The following FBN1 variants were observed in gnomAD, a reference collection of about 807,000 sequenced individuals.
The protein encoded by FBN1 is fibrillin 1.
Under a neutral mutation model 365.1 loss-of-function variants are expected in FBN1, and 29 were observed. That is an observed-to-expected ratio of 0.08 (90% CI 0.06 to 0.11). The LOEUF is 0.11. Among genes scored for constraint, FBN1 ranks in the 10% least tolerant of loss-of-function variants. The probability of loss-of-function intolerance (pLI) is 1.00; values close to 1 mark genes in which losing one functional copy is unlikely to be tolerated. For missense variants in FBN1, 2,476 were observed against 3,703.2 expected, an observed-to-expected ratio of 0.67 and a Z score of 8.60; for synonymous variants, 1,210 against 1,270.5, an observed-to-expected ratio of 0.95 and a Z score of 1.01.
intron 6 of FBN1, among the ~76,000 whole-genome samples, chr15:48,595,182 T>C (rs1002814008): frequency 9.9e-5 from 15 of 152,188 alleles, no homozygotes; most frequent in African/African-American, 3.1e-4. Flanking sequence ...TATTAGCAAA[T>C]AACTGAATTT....
intron 6 of FBN1, among the ~76,000 whole-genome samples, chr15:48,555,273 A>G (rs940810677): frequency 6.6e-6 from 1 of 152,150 alleles, no homozygotes; most frequent in Non-Finnish European, 1.5e-5. Context: ...GACTGTGCAC[A>G]ACCCCCTTTC....
At chr15:48,487,674 A>C (rs1228627169) in intron 27 of FBN1, among the ~76,000 whole-genome samples, 3 of 152,180 alleles carry the variant, frequency 2.0e-5, no homozygotes, top group African/African-American at 7.2e-5. Flanking sequence ...TTACTTCCTG[A>C]CAAGTACCTT....
intron 3 of FBN1, among the ~76,000 whole-genome samples, chr15:48,611,238 C>A (rs1462822658): frequency 1.3e-5 from 2 of 152,126 alleles, no homozygotes; most frequent in East Asian, 1.9e-4. Flanking sequence ...CTCTTGGGAG[C>A]CAATTTTATT....
chr15:48,521,455 C>A (rs867990563), intron 9 of FBN1, among the ~76,000 whole-genome samples: 2 of 152,046 alleles, frequency 1.3e-5, no homozygotes, highest in African/African-American at 4.8e-5. Context: ...TCAAAATGGC[C>A]CTTGATTCCA....
intron 32 of FBN1, among the ~76,000 whole-genome samples, chr15:48,475,174 G>C (rs577641890): frequency 1.8e-3 from 274 of 152,048 alleles, no homozygotes; most frequent in Admixed American, 3.7e-3. Flanking sequence ...TTCTACAAAA[G>C]CTTTCCTTTA....
chr15:48,481,593 A>G, intron 32 of FBN1, 62 bp downstream of exon 32: 1 of 1,521,178 alleles, frequency 6.6e-7, no homozygotes, highest in Non-Finnish European at 9.1e-7. Context: ...GTATCAATCT[A>G]TAATTATGAT....
At chr15:48,644,045 C>G (rs1890244700) in intron 2 of FBN1, 1 of 155,708 alleles carries the variant, frequency 6.4e-6, no homozygotes, top group African/African-American at 2.4e-5. Flanking sequence ...AACCAGTTCT[C>G]AGAACCACTT....
intron 16 of FBN1, among the ~76,000 whole-genome samples, 179 bp downstream of exon 16, chr15:48,504,846 T>G (rs1443093963): frequency 6.6e-6 from 1 of 152,242 alleles, no homozygotes; most frequent in East Asian, 1.9e-4. Context: ...AGCTCATCTT[T>G]CTAATCCTCA....
chr15:48,433,045 T>C (rs1044766879), intron 54 of FBN1, 57 bp from the exon 55 acceptor site: 3 of 1,598,348 alleles, frequency 1.9e-6, no homozygotes, highest in South Asian at 1.1e-5. Context: ...AAAGGGAACC[T>C]ACCAATTGAA....
rs374544999 is a variant in FBN1 at position 48,495,967 on chromosome 15, T to G, written c.2419+133A>C. On this transcript the variant is annotated intron_variant, in intron 20 of 65. Coordinates refer to ENST00000316623, the MANE Select transcript of FBN1 (RefSeq NM_000138.5). ...TTACAAAGTACATACTAGTGCCATG[T>G]AGAACCACAGAATTTCAACTAAACT... is the stretch of plus-strand genomic sequence containing the variant. 1.8e-5 allele frequency: 21 copies of G among 1,172,840 alleles called. No individual in the cohort carries two copies. The African/African-American group carries it at 3.2e-4, about 18-fold the overall frequency. 72.7% of individuals were successfully genotyped at this position (1,172,840 alleles called of 1,614,324 possible).
At chr15:48,584,390 T>C (rs1184403154) in intron 6 of FBN1, among the ~76,000 whole-genome samples, 2 of 152,200 alleles carry the variant, frequency 1.3e-5, no homozygotes, top group African/African-American at 4.8e-5. Context: ...TCCTCCTAAT[T>C]AGATATTTTA....
chr15:48,563,496 C>G (rs2044239208), intron 6 of FBN1, among the ~76,000 whole-genome samples: 1 of 152,118 alleles, frequency 6.6e-6, no homozygotes, highest in Non-Finnish European at 1.5e-5. Flanking sequence ...CATATTTCAC[C>G]AGGTGAACCA....
At chr15:48,428,736 G>T (rs982416696) in intron 56 of FBN1, among the ~76,000 whole-genome samples, 2 of 152,012 alleles carry the variant, frequency 1.3e-5, no homozygotes, top group Admixed American at 6.6e-5. Context: ...ATTCTTAACT[G>T]TTTGGTTTCA....
intron 50 of FBN1, among the ~76,000 whole-genome samples, chr15:48,439,134 G>T (rs1053539752): frequency 6.6e-6 from 1 of 152,194 alleles, no homozygotes; most frequent in Non-Finnish European, 1.5e-5. Flanking sequence ...AGAGTTGCCA[G>T]AGATAACAAA....
chr15:48,450,587 A>C (rs2043193658), intron 45 of FBN1, among the ~76,000 whole-genome samples: 1 of 152,188 alleles, frequency 6.6e-6, no homozygotes, highest in East Asian at 1.9e-4. Context: ...AGTAGCTGGG[A>C]AGAAACTGTT....
At chr15:48,445,173 C>CAT (rs529269961) in intron 48 of FBN1, among the ~76,000 whole-genome samples, 1 of 138,506 alleles carries the variant, frequency 7.2e-6, no homozygotes, top group East Asian at 2.4e-4. Flanking sequence ...TATATACACA[C>CAT]ATATATATAT....
chr15:48,410,308 T>C lies in FBN1; in HGVS notation c.*682A>G, dbSNP rs1409276996. ...TATACATTTAACAAGTCTTTGGTCTTAATAAGCACCATTACAAACCCTCAC... is the reference window on the plus strand; with the variant it reads ...TATACATTTAACAAGTCTTTGGTCTCAATAAGCACCATTACAAACCCTCAC... On this transcript the variant is annotated 3_prime_UTR_variant, in exon 66 of 66. Coordinates refer to ENST00000316623, the MANE Select transcript of FBN1 (RefSeq NM_000138.5). 6.5e-6 allele frequency: 1 copy of C among 152,782 alleles called. No individual in the cohort carries two copies. Among genetic ancestry groups the C allele is most frequent in the African/African-American group, 2.4e-5 (1 of 41,470 alleles). The allele number at this position is 152,782 out of a possible 1,614,324, so 9.5% of individuals were successfully genotyped here.
chr15:48,436,277 A>C (rs551794556), intron 53 of FBN1, among the ~76,000 whole-genome samples: 1 of 152,346 alleles, frequency 6.6e-6, no homozygotes, highest in East Asian at 1.9e-4. Flanking sequence ...AAAACTGCTT[A>C]AACTCCCACA....
intron 6 of FBN1, among the ~76,000 whole-genome samples, chr15:48,576,845 G>T (rs1310382006): frequency 3.3e-5 from 5 of 152,136 alleles, no homozygotes; most frequent in South Asian, 2.1e-4. Context: ...TTAGATGGAG[G>T]ATGTGTTGTG....
Sources: gnomAD v4.1 joint callset for allele counts (sites outside exome capture counted in the v4.1 genomes callset) on GRCh38, gnomAD v4.1.1 for gene constraint, MANE v1.5 for transcripts, NCBI Gene and HGNC (gene_info 2026-07-23, HGNC 2026-07-21) for gene names.